CUBN: variants seen among roughly 807,000 people sequenced by gnomAD.
CUBN encodes the protein cubilin.
In CUBN, 282 loss-of-function variants were observed where a neutral mutation model predicts 405.3. That is an observed-to-expected ratio of 0.70 (90% confidence interval 0.63 to 0.77). The LOEUF (loss-of-function observed/expected upper bound fraction) is 0.77. Ranked by LOEUF, CUBN falls within the 30% of genes least tolerant of loss-of-function variation. The pLI, the probability that CUBN is intolerant of heterozygous loss-of-function variation, is 0.00. For missense variants in CUBN, 4,514 were observed against 4,475.2 expected, an observed-to-expected ratio of 1.01 and a Z score of -0.25; for synonymous variants, 1,684 against 1,617.0, an observed-to-expected ratio of 1.04 and a Z score of -0.99.
chr10:16,984,257 T>A lies in CUBN; in HGVS notation c.4373A>T (p.His1458Leu). Reference protein sequence around the residue: ...VLEIYGGPDFHSPRIAQLCTQ... With the variant: ...VLEIYGGPDFLSPRIAQLCTQ... The stretch of plus-strand genomic sequence containing the variant: ...ACACAGTTGGGCTATTCTGGGAGAG[T>A]GGAAATCGGGGCCTCCATAGATCTA... Residue 1458 changes from histidine (H) to leucine (L), a missense_variant, in exon 30 of 67, where the codon CAC (histidine) becomes CTC (leucine). By Grantham distance (99) the His-to-Leu change is moderately conservative. Transcript: ENST00000377833. 2 of 1,613,858 alleles carry A rather than the reference T, an allele frequency of 1.2e-6. No homozygotes were observed. Among genetic ancestry groups the A allele is most frequent in the Non-Finnish European group, 1.7e-6 (2 of 1,179,988 alleles).
At chr10:16,981,401 G>A (rs570054065) in intron 31 of CUBN, among the ~76,000 whole-genome samples, 9 of 150,994 alleles carry the variant, frequency 6.0e-5, no homozygotes, top group Non-Finnish European at 1.0e-4. Context: ...CAATTTGTTC[G>A]TGTGACCTGA....
At chr10:17,086,707 T>C (rs920540903) in intron 15 of CUBN, among the ~76,000 whole-genome samples, 6 of 152,208 alleles carry the variant, frequency 3.9e-5, no homozygotes, top group African/African-American at 9.7e-5. Flanking sequence ...AAAGAATATT[T>C]TAATATGGTC....
rs1481402616 is a variant in CUBN at position 16,984,211 on chromosome 10, G to T, written c.4419C>A (p.Asn1473Lys). The change falls in exon 30 of 67, where the codon AAC becomes AAA. Residue 1473 changes from asparagine (N) to lysine (K), a missense_variant. Physicochemically the swap from Asn to Lys is moderately conservative, Grantham distance 94. Coordinates refer to ENST00000377833, the MANE Select transcript of CUBN (RefSeq NM_001081.4). ...TTCCAGTGCTGGAGACCTGCATGGG[G>T]TTCTCAGGTGATCTCTGGGTACACA... ...AQLCTQRSPE[N>K]PMQVSSTGNE... 1.7e-5 allele frequency: 27 copies of T among 1,614,038 alleles called. No homozygotes were observed. Among genetic ancestry groups the T allele is most frequent in the African/African-American group, 2.7e-5 (2 of 74,926 alleles).
At chr10:17,072,643 C>T (rs960615789) in intron 17 of CUBN, among the ~76,000 whole-genome samples, 1 of 152,154 alleles carries the variant, frequency 6.6e-6, no homozygotes, top group Non-Finnish European at 1.5e-5. Flanking sequence ...AATACAAAAT[C>T]ATGTGGTATT....
chr10:16,884,587 G>A (rs1271890912), intron 56 of CUBN, among the ~76,000 whole-genome samples: 1 of 152,172 alleles, frequency 6.6e-6, no homozygotes, highest in Non-Finnish European at 1.5e-5. Context: ...TAATGAGAAA[G>A]TTAGAGAAAT....
chr10:17,004,998 T>C (rs565074060), intron 28 of CUBN, among the ~76,000 whole-genome samples: 1 of 152,198 alleles, frequency 6.6e-6, no homozygotes, highest in Admixed American at 6.5e-5. Context: ...CACTACTCAT[T>C]TCCTTTCTCC....
At chr10:17,118,535 C>G (rs1237622231) in intron 6 of CUBN, among the ~76,000 whole-genome samples, 1 of 152,210 alleles carries the variant, frequency 6.6e-6, no homozygotes, top group East Asian at 1.9e-4. Context: ...CTCCCAGGTT[C>G]AAGCGATCTT....
intron 59 of CUBN, among the ~76,000 whole-genome samples, chr10:16,854,257 A>G (rs1374720580): frequency 6.6e-6 from 1 of 152,236 alleles, no homozygotes; most frequent in Non-Finnish European, 1.5e-5. Context: ...ATGGGCAAGC[A>G]TAACTCTGAG....
At chr10:16,921,812 A>G (rs1842042005) in intron 43 of CUBN, among the ~76,000 whole-genome samples, 1 of 152,192 alleles carries the variant, frequency 6.6e-6, no homozygotes, top group Non-Finnish European at 1.5e-5. Context: ...TCTGTTGATT[A>G]TTCCGTATTT....
chr10:16,878,183 G>A (rs1840567481), intron 56 of CUBN, among the ~76,000 whole-genome samples: 1 of 152,170 alleles, frequency 6.6e-6, no homozygotes, highest in Admixed American at 6.5e-5. Context: ...AGCTACTCAG[G>A]AGGCTGAGGC....
chr10:17,114,952 G>T (rs1174188645), intron 7 of CUBN, among the ~76,000 whole-genome samples: 1 of 152,114 alleles, frequency 6.6e-6, no homozygotes, highest in East Asian at 1.9e-4. Flanking sequence ...AATAAAAATG[G>T]TCCCATTTCG....
At chr10:17,061,512 T>C (rs909349537) in intron 22 of CUBN, among the ~76,000 whole-genome samples, 7 of 152,188 alleles carry the variant, frequency 4.6e-5, no homozygotes, top group African/African-American at 1.7e-4. Context: ...ACCCGTTTAG[T>C]GTAAAGAAGG....
intron 55 of CUBN, among the ~76,000 whole-genome samples, chr10:16,889,935 C>CAAAAAAAAAAAAAAAAAAAAAAAAAAAA (rs1554788544): frequency 1.0e-4 from 2 of 19,908 alleles, no homozygotes; most frequent in Admixed American, 4.4e-4. Context: ...GACGCCGTGT[C>CAAAAAAAAAAAAAAAAAAAAAAAAAAAA]AAAAAAAAAA....
intron 59 of CUBN, among the ~76,000 whole-genome samples, chr10:16,853,208 GA>G (rs1839770428): frequency 6.6e-6 from 1 of 152,192 alleles, no homozygotes; most frequent in African/African-American, 2.4e-5. Flanking sequence ...AATTTTGAAA[GA>G]AATGGTGAAA....
chr10:16,948,419 A>G (rs535262393), intron 35 of CUBN, 59 bp downstream of exon 35: 11 of 1,610,588 alleles, frequency 6.8e-6, no homozygotes, highest in Non-Finnish European at 9.3e-6. Context: ...CCAATAACAA[A>G]CCAAGAATTT....
intron 19 of CUBN, among the ~76,000 whole-genome samples, chr10:17,069,086 A>AT (rs1835679551): frequency 6.6e-6 from 1 of 152,106 alleles, no homozygotes; most frequent in Non-Finnish European, 1.5e-5. Flanking sequence ...ACTGTATAAC[A>AT]TTTTCAAAGT....
intron 6 of CUBN, chr10:17,122,520 G>T: frequency 2.0e-6 from 1 of 498,272 alleles, no homozygotes; most frequent in Non-Finnish European, 3.9e-6. Context: ...ACCAGGCCAT[G>T]CTTACTCTCT....
chr10:16,989,880 C>T (rs966372650), intron 29 of CUBN, among the ~76,000 whole-genome samples: 1 of 152,206 alleles, frequency 6.6e-6, no homozygotes, highest in Non-Finnish European at 1.5e-5. Context: ...CTCCGCCACA[C>T]GAATGCTCTT....
chr10:16,999,182 AAAGTT>A (rs1833813681), intron 28 of CUBN, among the ~76,000 whole-genome samples: 1 of 152,210 alleles, frequency 6.6e-6, no homozygotes, highest in African/African-American at 2.4e-5. Flanking sequence ...ATAAATACTC[AAAGTT>A]AAGACTGTCA....
Sources: gnomAD v4.1 joint callset for allele counts (sites outside exome capture counted in the v4.1 genomes callset) on GRCh38, gnomAD v4.1.1 for gene constraint, MANE v1.5 for transcripts, NCBI Gene and HGNC (gene_info 2026-07-23, HGNC 2026-07-21) for gene names.